Variants in SEMA3D observed in about 807,000 individuals in gnomAD.
The protein encoded by SEMA3D is semaphorin 3D.
Under a neutral mutation model 100.1 loss-of-function variants are expected in SEMA3D, and 84 were observed. The observed-to-expected ratio is 0.84, with a 90% CI of 0.70 to 1.01. The LOEUF is 1.01. SEMA3D is among the 50% of genes least tolerant of loss of function. The pLI is 0.00. For synonymous variants in SEMA3D, 312 were observed against 320.7 expected, an observed-to-expected ratio of 0.97 and a Z score of 0.29; for missense variants, 875 against 934.1, an observed-to-expected ratio of 0.94 and a Z score of 0.82.
At chr7:85,073,423 T>C (rs919639794) in intron 5 of SEMA3D, among the ~76,000 whole-genome samples, 5 of 148,842 alleles carry the variant, frequency 3.4e-5, no homozygotes, top group South Asian at 2.1e-4. Context: ...AATTTTCTCT[T>C]TTTTTTTTTA....
chr7:85,098,016 A>G (rs777212524), intron 3 of SEMA3D, 51 bp from the exon 4 acceptor site: 11 of 996,492 alleles, frequency 1.1e-5, no homozygotes, highest in Non-Finnish European at 1.6e-5. Flanking sequence ...AGAAAGAAAG[A>G]AAGAGAAAGA....
chr7:85,247,192 T>A, the SEMA3D span, among the ~76,000 whole-genome samples: 6 of 152,014 alleles, frequency 3.9e-5, no homozygotes, highest in Non-Finnish European at 8.8e-5. Flanking sequence ...CAGAGAATAA[T>A]CACTGACAGA....
the SEMA3D span, among the ~76,000 whole-genome samples, chr7:85,220,238 G>A: frequency 6.6e-6 from 1 of 151,664 alleles, no homozygotes; most frequent in African/African-American, 2.4e-5. Context: ...TTCTGTCACT[G>A]ACACTTTGGT....
chr7:85,066,353 A>G (rs1381148624), intron 7 of SEMA3D, among the ~76,000 whole-genome samples: 2 of 151,784 alleles, frequency 1.3e-5, no homozygotes, highest in Non-Finnish European at 2.9e-5. Flanking sequence ...GAAGAGGGGG[A>G]AAAGAGGAGG....
intron 3 of SEMA3D, among the ~76,000 whole-genome samples, chr7:85,116,270 TATACAATTG>T (rs1789239255): frequency 6.8e-6 from 1 of 147,132 alleles, no homozygotes; most frequent in African/African-American, 2.5e-5. Context: ...ATTGCATATG[TATACAATTG>T]TATACATATA....
intron 18 of SEMA3D, among the ~76,000 whole-genome samples, chr7:85,005,221 CA>C (rs890867889): frequency 6.6e-6 from 1 of 151,776 alleles, no homozygotes; most frequent in African/African-American, 2.4e-5. Flanking sequence ...TGCAATGTAA[CA>C]AAAAATCTGC....
intron 4 of SEMA3D, among the ~76,000 whole-genome samples, chr7:85,094,395 A>C (rs2116298432): frequency 6.6e-6 from 1 of 152,172 alleles, no homozygotes; most frequent in East Asian, 1.9e-4. Flanking sequence ...ACTAAGTTAA[A>C]AATGGTATTA....
chr7:85,035,717 G>A (rs1790675793), intron 12 of SEMA3D, among the ~76,000 whole-genome samples: 1 of 151,484 alleles, frequency 6.6e-6, no homozygotes, highest in Non-Finnish European at 1.5e-5. Flanking sequence ...AAATTTAAGG[G>A]GATAGGTCTC....
At chr7:85,213,356 T>C in the SEMA3D span, among the ~76,000 whole-genome samples, 1 of 152,168 alleles carries the variant, frequency 6.6e-6, no homozygotes, top group East Asian at 1.9e-4. Flanking sequence ...GCTTTAATAG[T>C]TGAAATGTAT....
intron 1 of SEMA3D, among the ~76,000 whole-genome samples, chr7:85,170,168 C>A (rs778917818): frequency 1.3e-5 from 2 of 151,782 alleles, no homozygotes; most frequent in African/African-American, 4.8e-5. Flanking sequence ...TAAGTGTTCA[C>A]TACTTTATTT....
the SEMA3D span, among the ~76,000 whole-genome samples, chr7:85,227,865 C>G: frequency 1.3e-5 from 2 of 152,074 alleles, no homozygotes; most frequent in Non-Finnish European, 2.9e-5. Flanking sequence ...AAATCTCTCA[C>G]TCCTTGTGGT....
At chr7:85,161,289 A>G (rs553258659) in intron 1 of SEMA3D, among the ~76,000 whole-genome samples, 5 of 152,132 alleles carry the variant, frequency 3.3e-5, no homozygotes, top group Non-Finnish European at 7.3e-5. Flanking sequence ...GCTTACAGTG[A>G]TTCTTTGTGT....
chr7:85,111,404 A>G (rs2116366361), intron 3 of SEMA3D, among the ~76,000 whole-genome samples: 1 of 152,138 alleles, frequency 6.6e-6, no homozygotes, highest in East Asian at 1.9e-4. Flanking sequence ...TTCCCACTTT[A>G]ATTAATGGTA....
intron 1 of SEMA3D, chr7:85,181,881 A>G (rs920953276): frequency 7.0e-6 from 2 of 284,664 alleles, no homozygotes; most frequent in Non-Finnish European, 1.1e-5. Context: ...ATGGATTGAA[A>G]ATCATCAAAA....
intron 15 of SEMA3D, among the ~76,000 whole-genome samples, chr7:85,016,231 T>C (rs1790096372): frequency 6.8e-6 from 1 of 146,582 alleles, no homozygotes; most frequent in Non-Finnish European, 1.5e-5. Flanking sequence ...GATTAAGACA[T>C]TTGTCTCCTT....
intron 6 of SEMA3D, among the ~76,000 whole-genome samples, chr7:85,071,314 C>G (rs1286360844): frequency 2.4e-4 from 37 of 152,156 alleles, no homozygotes; most frequent in Non-Finnish European, 5.0e-4. Flanking sequence ...ATTTAACTGT[C>G]AGGGTTGCTT....
intron 1 of SEMA3D, among the ~76,000 whole-genome samples, chr7:85,170,041 A>G (rs1432024298): frequency 1.3e-5 from 2 of 151,880 alleles, no homozygotes; most frequent in Non-Finnish European, 2.9e-5. Context: ...TTGGTTTTTA[A>G]AAAATAGAAT....
In SEMA3D at chr7:85,015,139, G is replaced by T. The variant is rs755130995; in HGVS notation, c.1623C>A (p.Cys541Ter). 1.2e-6 allele frequency: 2 copies of T among 1,611,634 alleles called. No individual in the cohort carries two copies. The highest frequency in any genetic ancestry group is 1.1e-5 in the South Asian group (1 of 91,008). ...LHRCDTYGKA[C>*]ADCCLARDPY... ...GGTCTCTGGCAAGACAACAGTCTGC[G>T]CAAGCTTTCCCATAAGTGTCGCATC... The change falls in exon 16 of 19, where the codon TGC becomes TGA. Residue 541 changes from cysteine to a stop codon, truncating the protein, a stop_gained. Transcript: ENST00000284136. LOFTEE classifies it high-confidence loss of function.
chr7:85,149,997 A>C (rs1464742281), intron 2 of SEMA3D, among the ~76,000 whole-genome samples: 1 of 152,078 alleles, frequency 6.6e-6, no homozygotes, highest in Non-Finnish European at 1.5e-5. Context: ...TAGTAAAGCA[A>C]GTATCCCCAA....
Sources: gnomAD v4.1 joint callset for allele counts (sites outside exome capture counted in the v4.1 genomes callset) on GRCh38, gnomAD v4.1.1 for gene constraint, MANE v1.5 for transcripts, NCBI Gene and HGNC (gene_info 2026-07-23, HGNC 2026-07-21) for gene names.